The following HIBADH variants were observed in gnomAD, a reference collection of about 807,000 sequenced individuals.
The protein encoded by HIBADH is 3-hydroxyisobutyrate dehydrogenase, mitochondrial.
HIBADH carries 25 observed loss-of-function variants against 36.1 expected under a neutral mutation model. The ratio of observed to expected loss-of-function variants is 0.69; its 90% CI spans 0.50 to 0.97. The LOEUF is 0.97. Ranked by LOEUF, HIBADH falls within the 50% of genes least tolerant of loss-of-function variation. The pLI is 0.00. For synonymous variants in HIBADH, 160 were observed against 149.5 expected, an observed-to-expected ratio of 1.07 and a Z score of -0.51; for missense variants, 421 against 418.0, an observed-to-expected ratio of 1.01 and a Z score of -0.06.
At chr7:27,627,835 A>T (rs1785676590) in intron 4 of HIBADH, among the ~76,000 whole-genome samples, 1 of 152,162 alleles carries the variant, frequency 6.6e-6, no homozygotes, top group Admixed American at 6.5e-5. Flanking sequence ...TTGTACACTA[A>T]AACAACAAAC....
At position 27,662,876 on chromosome 7, in the gene HIBADH, T is replaced by TCGCC; in HGVS notation, c.-92_-89dup. 1 of 1,112,276 alleles carries TCGCC rather than the reference T, an allele frequency of 9.0e-7. No homozygotes were observed. The allele number at this position is 1,112,276 out of a possible 1,614,324, so 68.9% of individuals were successfully genotyped here. ...AGCGTGTGCAGCGGGACTGGCTGGC[T>TCGCC]CGCCCACGGAGAAGGGCGCGCGCGC... On this transcript the variant is annotated 5_prime_UTR_variant, in exon 1 of 8. Transcript: ENST00000265395.
chr7:27,638,867 A>G (rs1785906086), intron 2 of HIBADH, among the ~76,000 whole-genome samples: 1 of 152,254 alleles, frequency 6.6e-6, no homozygotes, highest in African/African-American at 2.4e-5. Flanking sequence ...CATTAGTGAA[A>G]TGCAAATCAA....
intron 4 of HIBADH, among the ~76,000 whole-genome samples, chr7:27,549,713 G>A (rs1388974296): frequency 6.6e-6 from 1 of 152,024 alleles, no homozygotes; most frequent in Non-Finnish European, 1.5e-5. Flanking sequence ...CCCTTTTCAG[G>A]CTAATCTTAG....
At chr7:27,609,734 T>C (rs558921457) in intron 4 of HIBADH, among the ~76,000 whole-genome samples, 113 of 152,208 alleles carry the variant, frequency 7.4e-4, no homozygotes, top group Non-Finnish European at 1.2e-3. Flanking sequence ...AAGCCTTTCA[T>C]ATAATAGTCA....
At chr7:27,651,084 T>C (rs764570306) in intron 1 of HIBADH, among the ~76,000 whole-genome samples, 8 of 152,208 alleles carry the variant, frequency 5.3e-5, no homozygotes, top group Non-Finnish European at 1.0e-4. Context: ...AGCTTTAAAA[T>C]TTGTAGTGCA....
chr7:27,644,782 G>C (rs1786032469), intron 2 of HIBADH, among the ~76,000 whole-genome samples: 1 of 151,004 alleles, frequency 6.6e-6, no homozygotes, highest in South Asian at 2.1e-4. Flanking sequence ...AAAAAAATCA[G>C]AAATCTTATA....
At chr7:27,653,511 G>A (rs1313692612) in intron 1 of HIBADH, among the ~76,000 whole-genome samples, 1 of 152,110 alleles carries the variant, frequency 6.6e-6, no homozygotes, top group Non-Finnish European at 1.5e-5. Context: ...CGAGACGGGC[G>A]GATCACGAGG....
intron 4 of HIBADH, among the ~76,000 whole-genome samples, chr7:27,620,074 A>G (rs1315163588): frequency 6.6e-6 from 1 of 152,172 alleles, no homozygotes; most frequent in Non-Finnish European, 1.5e-5. Context: ...TAATCCCAAC[A>G]CTTTAGGAAG....
At chr7:27,551,807 T>C (rs1368041546) in intron 4 of HIBADH, among the ~76,000 whole-genome samples, 1 of 152,208 alleles carries the variant, frequency 6.6e-6, no homozygotes, top group Non-Finnish European at 1.5e-5. Context: ...CTTAATTTAC[T>C]CAAAAGAACT....
intron 4 of HIBADH, among the ~76,000 whole-genome samples, chr7:27,628,598 G>A (rs891727012): frequency 3.9e-5 from 6 of 151,990 alleles, no homozygotes; most frequent in African/African-American, 1.4e-4. Flanking sequence ...TCATTAGTGG[G>A]TCTTTTCTTC....
intron 1 of HIBADH, among the ~76,000 whole-genome samples, chr7:27,650,014 C>T (rs1310369563): frequency 1.3e-5 from 2 of 152,148 alleles, no homozygotes; most frequent in African/African-American, 4.8e-5. Flanking sequence ...GGCACATTCA[C>T]AAAATTTTAA....
chr7:27,608,999 T>C (rs1321328861), intron 4 of HIBADH, among the ~76,000 whole-genome samples: 1 of 152,178 alleles, frequency 6.6e-6, no homozygotes, highest in Admixed American at 6.5e-5. Flanking sequence ...TGATTGGAAA[T>C]TACAGTGCAA....
chr7:27,595,355 GA>G (rs1250164821), intron 4 of HIBADH, among the ~76,000 whole-genome samples: 2 of 151,910 alleles, frequency 1.3e-5, no homozygotes, highest in East Asian at 3.9e-4. Flanking sequence ...CCGTCTCTAT[GA>G]AAAGTACAAA....
chr7:27,545,283 A>G (rs1784221681), intron 4 of HIBADH, among the ~76,000 whole-genome samples: 1 of 152,166 alleles, frequency 6.6e-6, no homozygotes, highest in Non-Finnish European at 1.5e-5. Flanking sequence ...TACAAAAAAT[A>G]CAAAAATTAG....
intron 4 of HIBADH, among the ~76,000 whole-genome samples, chr7:27,617,662 C>T (rs1051023868): frequency 1.3e-5 from 2 of 152,130 alleles, no homozygotes; most frequent in Non-Finnish European, 2.9e-5. Flanking sequence ...CCAAGAGCCC[C>T]GAGGGACTCC....
chr7:27,531,181 A>G lies in HIBADH; in HGVS notation c.852+11T>C. 5.0e-6 allele frequency: 8 copies of G among 1,609,148 alleles called. No individual in the cohort carries two copies. The highest frequency in any genetic ancestry group is 6.8e-6 in the Non-Finnish European group (8 of 1,177,398). ...TTTTCCTTCTCTCTTGGGTGTCTAC[A>G]TTTACCATACCTTAGCCATGAGTGT... On this transcript the variant is annotated intron_variant, in intron 7 of 7. Coordinates refer to ENST00000265395, the MANE Select transcript of HIBADH (RefSeq NM_152740.4).
At chr7:27,565,962 G>C (rs1583572467) in intron 4 of HIBADH, among the ~76,000 whole-genome samples, 1 of 151,928 alleles carries the variant, frequency 6.6e-6, no homozygotes, top group Non-Finnish European at 1.5e-5. Context: ...GTCTTCTTTA[G>C]ACTATTAATA....
chr7:27,612,165 C>CTG (rs1157994364), intron 4 of HIBADH, among the ~76,000 whole-genome samples: 6 of 152,118 alleles, frequency 3.9e-5, no homozygotes, highest in African/African-American at 1.2e-4. Flanking sequence ...GGTGAAGATG[C>CTG]TGTCAGCATA....
At chr7:27,626,624 A>AG (rs1785652678) in intron 4 of HIBADH, among the ~76,000 whole-genome samples, 1 of 152,170 alleles carries the variant, frequency 6.6e-6, no homozygotes, top group South Asian at 2.1e-4. Flanking sequence ...ACCAGGAAGT[A>AG]GGGGGAAACG....
Sources: gnomAD v4.1 joint callset for allele counts (sites outside exome capture counted in the v4.1 genomes callset) on GRCh38, gnomAD v4.1.1 for gene constraint, MANE v1.5 for transcripts, NCBI Gene and HGNC (gene_info 2026-07-23, HGNC 2026-07-21) for gene names.